Variants in WASHC5 observed in about 807,000 individuals in gnomAD.
WASHC5 encodes WASH complex subunit strumpellin.
Under a neutral mutation model 150.4 loss-of-function variants are expected in WASHC5, and 101 were observed. That is an observed-to-expected ratio of 0.67 (90% CI 0.57 to 0.79). The LOEUF (loss-of-function observed/expected upper bound fraction) is 0.79, where lower values mean the gene tolerates loss of function less well. Ranked by LOEUF, WASHC5 falls within the 30% of genes least tolerant of loss-of-function variation. WASHC5 has a pLI of 0.00. For missense variants in WASHC5, 1,195 were observed against 1,396.3 expected, an observed-to-expected ratio of 0.86 and a Z score of 2.30; for synonymous variants, 467 against 491.2, an observed-to-expected ratio of 0.95 and a Z score of 0.65.
rs557726143 is a variant in WASHC5 at position 125,043,794 on chromosome 8, T to C, written c.2850+31A>G. On this transcript the variant is annotated intron_variant, in intron 23 of 28. Transcript: ENST00000318410. Reference sequence around the variant, plus strand: ...AATAAAAAATTTAAAAATGTAAGTATTGACTGTACACCCTCTCTTCTACAA... The same window carrying C: ...AATAAAAAATTTAAAAATGTAAGTACTGACTGTACACCCTCTCTTCTACAA... The C allele has an allele frequency of 4.6e-4, 669 of 1,462,310 alleles. 9 individuals are homozygous for C. The South Asian group carries it at 7.3e-3, about 16-fold the overall frequency. The allele number at this position is 1,462,310 out of a possible 1,614,324, so 90.6% of individuals were successfully genotyped here.
intron 5 of WASHC5, among the ~76,000 whole-genome samples, chr8:125,079,835 T>C (rs1158151474): frequency 1.3e-5 from 2 of 152,246 alleles, no homozygotes; most frequent in African/African-American, 4.8e-5. Context: ...AATGAATTAC[T>C]ATGTATATGT....
intron 9 of WASHC5, among the ~76,000 whole-genome samples, chr8:125,070,425 C>A (rs1563629392): frequency 6.6e-6 from 1 of 152,246 alleles, no homozygotes; most frequent in Non-Finnish European, 1.5e-5. Context: ...AGACCTCTGG[C>A]AAGCCAAGGT....
chr8:125,077,760 AG>A (rs1444913099), intron 6 of WASHC5, among the ~76,000 whole-genome samples: 24 of 152,302 alleles, frequency 1.6e-4, no homozygotes, highest in Non-Finnish European at 3.1e-4. Context: ...TCTACTTTAC[AG>A]GGCTATTGTG....
intron 10 of WASHC5, among the ~76,000 whole-genome samples, chr8:125,065,581 T>A (rs930569181): frequency 1.3e-5 from 2 of 151,972 alleles, no homozygotes; most frequent in Non-Finnish European, 2.9e-5. Flanking sequence ...GGGCTCTAGT[T>A]CATAATTCTA....
intron 21 of WASHC5, 154 bp downstream of exon 21, chr8:125,044,382 C>T (rs1332995273): frequency 1.8e-5 from 15 of 837,996 alleles, no homozygotes; most frequent in Non-Finnish European, 3.0e-5. Context: ...CTAGTTTATT[C>T]CCAGCTCTGA....
intron 24 of WASHC5, among the ~76,000 whole-genome samples, chr8:125,039,429 C>T (rs909778679): frequency 9.9e-5 from 15 of 152,104 alleles, no homozygotes; most frequent in African/African-American, 2.7e-4. Context: ...AAGCCAGTTG[C>T]GGATTTTGGT....
intron 11 of WASHC5, among the ~76,000 whole-genome samples, chr8:125,062,621 A>C (rs1006966669): frequency 6.6e-6 from 1 of 152,206 alleles, no homozygotes; most frequent in African/African-American, 2.4e-5. Flanking sequence ...CCCTATAGGA[A>C]CAATAATACA....
chr8:125,053,431 T>C (rs1586355809), intron 17 of WASHC5, among the ~76,000 whole-genome samples: 1 of 152,134 alleles, frequency 6.6e-6, no homozygotes, highest in East Asian at 1.9e-4. Context: ...TTGATAATTA[T>C]TGTTAATTAC....
chr8:125,081,967 G>C (rs577902866), intron 4 of WASHC5, among the ~76,000 whole-genome samples: 3 of 152,360 alleles, frequency 2.0e-5, no homozygotes, highest in Admixed American at 2.0e-4. Context: ...TTAATTCATA[G>C]TGATAATTTT....
At chr8:125,090,508 G>A (rs1191974111) in intron 1 of WASHC5, among the ~76,000 whole-genome samples, 1 of 152,124 alleles carries the variant, frequency 6.6e-6, no homozygotes, top group Non-Finnish European at 1.5e-5. Flanking sequence ...TATTATTATT[G>A]GCATGAAATC....
chr8:125,045,509 A>T lies in WASHC5; in HGVS notation c.2505-811T>A, dbSNP rs1292997907. Among the ~76,000 whole-genome samples, 4 of 152,336 alleles carry T rather than the reference A, an allele frequency of 2.6e-5. No individual in the cohort carries two copies. In the East Asian group the frequency reaches 5.8e-4, roughly 22 times the overall value. On this transcript the variant is annotated intron_variant, in intron 20 of 28. Transcript: ENST00000318410. ...GAGCTTGTCTGAAATACAGATGCCC[A>T]GCTTCCATTCCTGACGAATCTGATT...
At chr8:125,043,931 T>C in intron 22 of WASHC5, 27 bp from the exon 23 acceptor site, 1 of 1,598,154 alleles carries the variant, frequency 6.3e-7, no homozygotes, top group Non-Finnish European at 8.6e-7. Context: ...TAATTTTCTC[T>C]TTAGTACATT....
At chr8:125,024,843 A>G (rs1032585637) in intron 28 of WASHC5, among the ~76,000 whole-genome samples, 170 bp from the exon 29 acceptor site, 2 of 151,760 alleles carry the variant, frequency 1.3e-5, no homozygotes, top group Admixed American at 6.6e-5. Flanking sequence ...TGCCCCCTAG[A>G]CTAGCGTCTC....
chr8:125,039,738 G>A (rs1815830115), intron 24 of WASHC5, 57 bp downstream of exon 24: 4 of 1,146,748 alleles, frequency 3.5e-6, no homozygotes, highest in Non-Finnish European at 5.3e-6. Context: ...AAACTGGGGT[G>A]CGTAGATAAT....
intron 28 of WASHC5, among the ~76,000 whole-genome samples, chr8:125,028,018 A>T (rs1219704824): frequency 2.0e-5 from 3 of 152,222 alleles, no homozygotes; most frequent in African/African-American, 7.2e-5. Context: ...ATGTTGTAAG[A>T]AAGTATCTTT....
intron 6 of WASHC5, among the ~76,000 whole-genome samples, chr8:125,078,018 G>A (rs1201234523): frequency 6.6e-6 from 1 of 152,124 alleles, no homozygotes; most frequent in Non-Finnish European, 1.5e-5. Flanking sequence ...TGTGATAAAT[G>A]ATATCCACAG....
In WASHC5 at chr8:125,075,813, T is replaced by C. The variant is rs537515530; in HGVS notation, c.864+535A>G. On this transcript the variant is annotated intron_variant, in intron 7 of 28. Coordinates refer to ENST00000318410, the MANE Select transcript of WASHC5 (RefSeq NM_014846.4). Reference sequence around the variant, plus strand: ...TTTTGTTAAAGCCTCTTTGTTTTCATATATTTCATTTCATATATATTATGA... The same window carrying C: ...TTTTGTTAAAGCCTCTTTGTTTTCACATATTTCATTTCATATATATTATGA... Among the ~76,000 whole-genome samples, 74 of 152,356 alleles carry C rather than the reference T, an allele frequency of 4.9e-4. 1 individual carries two copies. Among genetic ancestry groups the C allele is most frequent in the Middle Eastern group, 3.4e-3 (1 of 294 alleles).
rs10616158 is a variant in WASHC5, at chr8:125,053,103, CTTTT to C, written c.2098-2442_2098-2439del. Among the ~76,000 whole-genome samples the C allele has an allele frequency of 1.5e-3, 208 of 136,402 alleles. 2 individuals are homozygous for C. The highest frequency in any genetic ancestry group is 5.1e-3 in the African/African-American group (194 of 38,370). The allele number at this position is 136,402 out of a possible 152,430, so 89.5% of individuals were successfully genotyped here. A position where few individuals can be genotyped will look rare whatever the true frequency, so the allele number is the denominator to read the frequency against. ...TTTAAGTTTGAGACGACCTGTATTT[CTTTT>C]TTTTTTTTTTTGCTGCCTCTAACAA... On this transcript the variant is annotated intron_variant, in intron 17 of 28. Transcript: ENST00000318410.
At chr8:125,072,029 C>T (rs898627359) in intron 9 of WASHC5, among the ~76,000 whole-genome samples, 1 of 152,124 alleles carries the variant, frequency 6.6e-6, no homozygotes, top group African/African-American at 2.4e-5. Flanking sequence ...CTACCTCCCT[C>T]TTCCTGATTT....
Sources: gnomAD v4.1 joint callset for allele counts (sites outside exome capture counted in the v4.1 genomes callset) on GRCh38, gnomAD v4.1.1 for gene constraint, MANE v1.5 for transcripts, NCBI Gene and HGNC (gene_info 2026-07-23, HGNC 2026-07-21) for gene names.